Variants in DOK6 observed in about 807,000 individuals in gnomAD.
DOK6 encodes docking protein 6.
DOK6 carries 22 observed loss-of-function variants against 44.0 expected under a neutral mutation model. The observed-to-expected ratio is 0.50, with a 90% CI of 0.36 to 0.71. The LOEUF is 0.71. DOK6 is among the 30% of genes least tolerant of loss of function. The probability of loss-of-function intolerance (pLI) is 0.00; values close to 1 mark genes in which losing one functional copy is unlikely to be tolerated. For missense variants in DOK6, 340 were observed against 416.4 expected, an observed-to-expected ratio of 0.82 and a Z score of 1.60; for synonymous variants, 166 against 145.5, an observed-to-expected ratio of 1.14 and a Z score of -1.01.
chr18:69,531,912 T>G (rs1415720783), intron 1 of DOK6, among the ~76,000 whole-genome samples: 2 of 152,134 alleles, frequency 1.3e-5, no homozygotes, highest in Admixed American at 6.6e-5. Context: ...TGTGATGATA[T>G]TAGGAGATGG....
At chr18:69,482,583 C>T (rs117766953) in intron 1 of DOK6, among the ~76,000 whole-genome samples, 4,071 of 151,978 alleles carry the variant, frequency 0.027, 93 homozygotes, top group South Asian at 0.077. Flanking sequence ...CTGCCCATTA[C>T]CAAAGTGAGA....
chr18:69,763,066 C>A (rs1183188926), intron 7 of DOK6, among the ~76,000 whole-genome samples: 1 of 152,146 alleles, frequency 6.6e-6, no homozygotes, highest in Non-Finnish European at 1.5e-5. Context: ...CCATGCTACG[C>A]CCAGAAGGGT....
At chr18:69,522,603 A>T (rs1371165967) in intron 1 of DOK6, among the ~76,000 whole-genome samples, 2 of 152,090 alleles carry the variant, frequency 1.3e-5, no homozygotes, top group African/African-American at 4.8e-5. Context: ...AAGACAAAAA[A>T]GTAGAGACTC....
At chr18:69,687,913 G>A (rs2144693795) in intron 4 of DOK6, among the ~76,000 whole-genome samples, 1 of 152,192 alleles carries the variant, frequency 6.6e-6, no homozygotes, top group East Asian at 1.9e-4. Flanking sequence ...TGATAAAGAA[G>A]TATAATCTAG....
chr18:69,497,394 C>T (rs902363510), intron 1 of DOK6, among the ~76,000 whole-genome samples: 5 of 152,158 alleles, frequency 3.3e-5, no homozygotes, highest in African/African-American at 1.2e-4. Context: ...AAACACCCCC[C>T]TCTCACACCA....
At chr18:69,793,224 G>A (rs1029768453) in intron 7 of DOK6, among the ~76,000 whole-genome samples, 3 of 152,084 alleles carry the variant, frequency 2.0e-5, no homozygotes, top group African/African-American at 7.2e-5. Flanking sequence ...ATGATTTTCA[G>A]TTTATAGAAT....
At chr18:69,711,519 G>A (rs1012105826) in intron 5 of DOK6, among the ~76,000 whole-genome samples, 3 of 152,140 alleles carry the variant, frequency 2.0e-5, no homozygotes, top group African/African-American at 7.2e-5. Flanking sequence ...TGGAAAATCA[G>A]CATCTACTTG....
At chr18:69,582,521 TCTTC>T (rs948944564) in intron 2 of DOK6, among the ~76,000 whole-genome samples, 1 of 152,110 alleles carries the variant, frequency 6.6e-6, no homozygotes, top group Non-Finnish European at 1.5e-5. Flanking sequence ...CTCTTTTTCA[TCTTC>T]CTTCCTTCCT....
rs532347854 is a variant in DOK6, at chr18:69,769,293, T to C, written c.856+11420T>C. The stretch of plus-strand genomic sequence containing the variant: ...ACAAAAGCTGCACTTAGTTTTTTAT[T>C]CATCAGGAAAGTTCATTCTTCCAGA... On this transcript the variant is annotated intron_variant, in intron 7 of 7. Coordinates refer to ENST00000382713, the MANE Select transcript of DOK6 (RefSeq NM_152721.6). Among the ~76,000 whole-genome samples the C allele has an allele frequency of 2.0e-5, 3 of 152,202 alleles. No homozygotes were observed. The South Asian group carries it at 6.2e-4, about 32-fold the overall frequency.
At chr18:69,506,785 T>G (rs941903713) in intron 1 of DOK6, among the ~76,000 whole-genome samples, 2 of 152,000 alleles carry the variant, frequency 1.3e-5, no homozygotes, top group Non-Finnish European at 2.9e-5. Context: ...TTGTATGGTG[T>G]GTGTACATTC....
chr18:69,706,227 G>C (rs747153733), intron 5 of DOK6, among the ~76,000 whole-genome samples: 47 of 152,136 alleles, frequency 3.1e-4, no homozygotes, highest in Non-Finnish European at 5.3e-4. Flanking sequence ...CACCCTCTCT[G>C]TTACAGAAAC....
intron 3 of DOK6, among the ~76,000 whole-genome samples, chr18:69,657,841 C>A (rs1381764931): frequency 1.3e-5 from 2 of 152,044 alleles, no homozygotes; most frequent in Non-Finnish European, 2.9e-5. Flanking sequence ...TTAACTGGAA[C>A]CTTTCTGTTG....
At chr18:69,479,205 G>A (rs1980352442) in intron 1 of DOK6, among the ~76,000 whole-genome samples, 1 of 152,044 alleles carries the variant, frequency 6.6e-6, no homozygotes, top group African/African-American at 2.4e-5. Context: ...GGAGAGGAAT[G>A]GAGATATTAA....
intron 4 of DOK6, among the ~76,000 whole-genome samples, chr18:69,692,560 T>C (rs1986291186): frequency 6.6e-6 from 1 of 152,236 alleles, no homozygotes; most frequent in Non-Finnish European, 1.5e-5. Context: ...AGTTAAATCT[T>C]TAAAGTTATT....
intron 7 of DOK6, among the ~76,000 whole-genome samples, chr18:69,776,772 G>A (rs1043671147): frequency 1.2e-4 from 18 of 151,998 alleles, no homozygotes; most frequent in African/African-American, 4.3e-4. Context: ...GATCTCTATA[G>A]GTACAGAAAA....
intron 2 of DOK6, among the ~76,000 whole-genome samples, chr18:69,569,031 C>T (rs111299570): frequency 0.035 from 5,362 of 151,922 alleles, 298 homozygotes; most frequent in African/African-American, 0.12. Context: ...TGAATCATCC[C>T]GAAACTGTCC....
intron 4 of DOK6, among the ~76,000 whole-genome samples, chr18:69,686,453 A>G (rs755085501): frequency 1.3e-5 from 2 of 152,178 alleles, no homozygotes; most frequent in African/African-American, 4.8e-5. Flanking sequence ...TCACTTTAAT[A>G]TATTCTATAA....
At chr18:69,700,388 C>G (rs1388780985) in intron 5 of DOK6, among the ~76,000 whole-genome samples, 1 of 151,846 alleles carries the variant, frequency 6.6e-6, no homozygotes, top group Non-Finnish European at 1.5e-5. Context: ...ACTATTTTGT[C>G]TGTTACAACG....
chr18:69,507,718 T>A (rs1184523109), intron 1 of DOK6, among the ~76,000 whole-genome samples: 1 of 152,188 alleles, frequency 6.6e-6, no homozygotes, highest in Non-Finnish European at 1.5e-5. Context: ...TTGCTTTTTT[T>A]AACCCTTGTA....
Sources: allele counts gnomAD v4.1 joint callset (sites outside exome capture counted in the v4.1 genomes callset), GRCh38; gene constraint gnomAD v4.1.1; transcripts MANE v1.5; gene names NCBI Gene and HGNC (gene_info 2026-07-23, HGNC 2026-07-21).